Variants in ANGPT1 observed in about 807,000 individuals in gnomAD.
ANGPT1 encodes angiopoietin 1.
A neutral mutation model predicts 62.2 loss-of-function variants in ANGPT1; 17 were observed. That is an observed-to-expected ratio of 0.27 (90% CI 0.19 to 0.41). The LOEUF (loss-of-function observed/expected upper bound fraction) is 0.41. ANGPT1 is among the 10% of genes least tolerant of loss of function. The pLI, the probability that ANGPT1 is intolerant of heterozygous loss-of-function variation, is 1.00. For synonymous variants in ANGPT1, 199 were observed against 198.9 expected, an observed-to-expected ratio of 1.00 and a Z score of 0.00; for missense variants, 478 against 594.9, an observed-to-expected ratio of 0.80 and a Z score of 2.04.
intron 4 of ANGPT1, among the ~76,000 whole-genome samples, chr8:107,305,183 G>C (rs994659630): frequency 6.6e-6 from 1 of 151,904 alleles, no homozygotes; most frequent in African/African-American, 2.4e-5. Context: ...AAGCAAATCA[G>C]ATGCCCAGAA....
chr8:107,397,352 T>A (rs138259652), intron 1 of ANGPT1, among the ~76,000 whole-genome samples: 1 of 152,152 alleles, frequency 6.6e-6, no homozygotes, highest in African/African-American at 2.4e-5. Context: ...TAGGCTCCAA[T>A]AAAACAAAGC....
chr8:107,288,756 G>A (rs1307774244), intron 6 of ANGPT1, among the ~76,000 whole-genome samples: 1 of 152,066 alleles, frequency 6.6e-6, no homozygotes, highest in African/African-American at 2.4e-5. Flanking sequence ...TTCATACTGA[G>A]GTCCCTATAG....
intron 1 of ANGPT1, among the ~76,000 whole-genome samples, chr8:107,452,491 T>G (rs939197877): frequency 4.6e-5 from 7 of 151,112 alleles, no homozygotes; most frequent in African/African-American, 1.7e-4. Context: ...TTTATTTTTA[T>G]TTTTTTATTT....
chr8:107,456,713 C>A (rs1185142971), intron 1 of ANGPT1, among the ~76,000 whole-genome samples: 1 of 151,872 alleles, frequency 6.6e-6, no homozygotes, highest in African/African-American at 2.4e-5. Flanking sequence ...TTCTAAAATA[C>A]AAGTCTCAAA....
At chr8:107,390,035 A>G (rs1032440702) in intron 1 of ANGPT1, among the ~76,000 whole-genome samples, 2 of 152,046 alleles carry the variant, frequency 1.3e-5, no homozygotes, top group Non-Finnish European at 2.9e-5. Context: ...TAAATTATGA[A>G]TTTCAAAGCC....
intron 1 of ANGPT1, among the ~76,000 whole-genome samples, chr8:107,379,335 A>C (rs1341235611): frequency 6.6e-6 from 1 of 152,174 alleles, no homozygotes; most frequent in African/African-American, 2.4e-5. Flanking sequence ...ATCACGTCTA[A>C]GTGTCTTGTT....
intron 1 of ANGPT1, among the ~76,000 whole-genome samples, chr8:107,424,931 G>T (rs1218256167): frequency 6.6e-6 from 1 of 152,170 alleles, no homozygotes; most frequent in African/African-American, 2.4e-5. Flanking sequence ...CTGGAGTGCA[G>T]TGGCATCATC....
intron 3 of ANGPT1, among the ~76,000 whole-genome samples, chr8:107,327,581 A>G (rs1351716314): frequency 6.6e-6 from 1 of 152,152 alleles, no homozygotes; most frequent in African/African-American, 2.4e-5. Flanking sequence ...TATATTAAAC[A>G]AACAGTTTTT....
chr8:107,367,637 A>G (rs1238591147), intron 1 of ANGPT1, among the ~76,000 whole-genome samples: 1 of 152,188 alleles, frequency 6.6e-6, no homozygotes, highest in Non-Finnish European at 1.5e-5. Flanking sequence ...CTTTTTCAAA[A>G]TGGGACTCAA....
chr8:107,474,122 G>C (rs1255170766), intron 1 of ANGPT1, among the ~76,000 whole-genome samples: 4 of 152,218 alleles, frequency 2.6e-5, no homozygotes, highest in African/African-American at 9.6e-5. Context: ...AAGCCTGACA[G>C]AGACACAACA....
Position 107,251,493 on chromosome 8 carries a change from CT to C in ANGPT1, c.*361del. 5.4e-6 allele frequency: 1 copy of C among 185,078 alleles called. No individual in the cohort carries two copies. Among genetic ancestry groups the C allele is most frequent in the Non-Finnish European group, 1.1e-5 (1 of 87,576 alleles). The allele number at this position is 185,078 out of a possible 1,614,324, so 11.5% of individuals were successfully genotyped here. On this transcript the variant is annotated 3_prime_UTR_variant, in exon 9 of 9. Transcript: ENST00000517746. ...CTTCATGTATATTCTCTTTTTCACT[CT>C]TTTTTTCTGTTTTACATGAAATTAA...
chr8:107,321,797 T>C, intron 4 of ANGPT1, 99 bp downstream of exon 4: 1 of 962,666 alleles, frequency 1.0e-6, no homozygotes, highest in Non-Finnish European at 1.5e-6. Context: ...TGCTATTTTT[T>C]ACACAGCAAT....
At chr8:107,433,761 G>A (rs1178413107) in intron 1 of ANGPT1, among the ~76,000 whole-genome samples, 1 of 152,112 alleles carries the variant, frequency 6.6e-6, no homozygotes, top group African/African-American at 2.4e-5. Flanking sequence ...AGATATCTGT[G>A]TAAAAAAGAT....
Position 107,250,976 on chromosome 8 carries a change from T to C in ANGPT1, c.*879A>G, listed in dbSNP as rs1813236838. On this transcript the variant is annotated 3_prime_UTR_variant, in exon 9 of 9. Coordinates refer to ENST00000517746, the MANE Select transcript of ANGPT1 (RefSeq NM_001146.5). ...AATATCAAAGGAAATATTAAATGCA[T>C]GTATATTATTTTAAGAACTTGATGA... The C allele has an allele frequency of 6.6e-6, 1 of 152,116 alleles. No homozygotes were observed. 9.4% of individuals were successfully genotyped at this position (152,116 alleles called of 1,614,324 possible). A position where few individuals can be genotyped will look rare whatever the true frequency, so the allele number is the denominator to read the frequency against.
intron 1 of ANGPT1, among the ~76,000 whole-genome samples, chr8:107,428,607 T>C (rs567385468): frequency 5.6e-4 from 85 of 151,966 alleles, no homozygotes; most frequent in African/African-American, 1.9e-3. Context: ...CTTATTATTG[T>C]AGTAGTGCTG....
chr8:107,442,021 T>C (rs1586325563), intron 1 of ANGPT1, among the ~76,000 whole-genome samples: 1 of 151,714 alleles, frequency 6.6e-6, no homozygotes, highest in Non-Finnish European at 1.5e-5. Context: ...GAGGTGGAGG[T>C]TGCAGTGAGC....
intron 1 of ANGPT1, among the ~76,000 whole-genome samples, chr8:107,490,177 G>C (rs983729586): frequency 2.0e-5 from 3 of 152,086 alleles, no homozygotes; most frequent in Non-Finnish European, 4.4e-5. Flanking sequence ...CAAATGACAG[G>C]GGGGAAAGGT....
Position 107,334,032 on chromosome 8 carries a change from AGGAAGGAT to A in ANGPT1, c.575+2110_575+2117del, listed in dbSNP as rs763096661. 9.5e-3 allele frequency among the ~76,000 whole-genome samples: 1,432 copies of A among 150,214 alleles called. 34 individuals are homozygous for A. Among genetic ancestry groups the A allele is most frequent in the Non-Finnish European group, 0.015 (1,026 of 67,258 alleles). ...AAGGAAGGAAGGAAGGAAGGAAGGA[AGGAAGGAT>A]GGATAAATATGAGAAGGAGGGAAGA... is the stretch of plus-strand genomic sequence containing the variant. On this transcript the variant is annotated intron_variant, in intron 3 of 8. Coordinates refer to ENST00000517746, the MANE Select transcript of ANGPT1 (RefSeq NM_001146.5).
chr8:107,381,908 C>T (rs1355295472), intron 1 of ANGPT1, among the ~76,000 whole-genome samples: 1 of 152,162 alleles, frequency 6.6e-6, no homozygotes, highest in Non-Finnish European at 1.5e-5. Context: ...CTTTTTCCTG[C>T]TCTTTGCCTA....
Sources: gnomAD v4.1 joint callset for allele counts (sites outside exome capture counted in the v4.1 genomes callset) on GRCh38, gnomAD v4.1.1 for gene constraint, MANE v1.5 for transcripts, NCBI Gene and HGNC (gene_info 2026-07-23, HGNC 2026-07-21) for gene names.